Variants in PCDHA4 observed in about 807,000 individuals in gnomAD.
PCDHA4 encodes protocadherin alpha 4.
In PCDHA4, 49 loss-of-function variants were observed where a neutral mutation model predicts 61.4. The ratio of observed to expected loss-of-function variants is 0.80; its 90% CI spans 0.63 to 1.01. PCDHA4 has a LOEUF of 1.01. PCDHA4 is among the 50% of genes least tolerant of loss of function. The pLI is 0.00. For synonymous variants in PCDHA4, 590 were observed against 550.3 expected (o/e 1.07, Z -1.01); for missense variants, 1,254 against 1,235.8 (o/e 1.01, Z -0.22).
intron 3 of PCDHA4, among the ~76,000 whole-genome samples, chr5:140,985,476 T>C (rs1554247100): frequency 6.6e-6 from 1 of 152,162 alleles, no homozygotes; most frequent in Admixed American, 6.6e-5. Flanking sequence ...ATTTGGTTGT[T>C]TCCAGACTCA....
intron 1 of PCDHA4, chr5:140,859,934 A>G (rs2046100230): frequency 1.3e-5 from 2 of 152,070 alleles, no homozygotes; most frequent in Non-Finnish European, 2.9e-5. Flanking sequence ...TAAAAAACTT[A>G]GTAAAAACTC....
chr5:140,825,840 C>T (rs1347379452), intron 1 of PCDHA4: 1 of 152,306 alleles, frequency 6.6e-6, no homozygotes, highest in Non-Finnish European at 1.5e-5. Context: ...AATAAATATA[C>T]CATGATACAA....
rs1488505557 is a variant in PCDHA4 at position 140,967,448 on chromosome 5, A to G, written c.2386-11501A>G. The G allele has an allele frequency of 6.8e-6, 11 of 1,613,462 alleles. No individual in the cohort carries two copies. Among genetic ancestry groups the G allele is most frequent in the Non-Finnish European group, 9.3e-6 (11 of 1,179,888 alleles). On this transcript the variant is annotated intron_variant, in intron 1 of 3. Transcript: ENST00000530339. ...GGCAGCCTTGCACCACCTGGTTCTC[A>G]CAGCCGTGGATGGGGGCATCCCAGC...
Position 140,809,031 on chromosome 5 carries a change from C to T in PCDHA4, c.1844C>T (p.Thr615Ile). 6.2e-7 allele frequency: 1 copy of T among 1,613,858 alleles called. No homozygotes were observed. The change falls in exon 1 of 4, where the codon ACT becomes ATT. Residue 615 changes from threonine (T) to isoleucine (I), a missense_variant. Transcript: ENST00000530339. Reference sequence around the variant, plus strand: ...CTTTCGTACGAGCTGCAGCCGGGGACTGGTGGCGCGCGCATCCCGTTCCGC... The same window carrying T: ...CTTTCGTACGAGCTGCAGCCGGGGATTGGTGGCGCGCGCATCCCGTTCCGC... ...AWLSYELQPG[T>I]GGARIPFRVG...
chr5:141,005,142 T>C (rs1554259898), intron 3 of PCDHA4, among the ~76,000 whole-genome samples: 1 of 152,234 alleles, frequency 6.6e-6, no homozygotes, highest in African/African-American at 2.4e-5. Flanking sequence ...ATTGGAGAGT[T>C]GTTTGGTCTG....
In PCDHA4 at chr5:140,978,987, C is replaced by T; in HGVS notation, c.2424C>T (p.Ser808=). 4 of 1,614,162 alleles carry T rather than the reference C, an allele frequency of 2.5e-6. No homozygotes were observed. In the South Asian group the frequency reaches 3.3e-5, roughly 13 times the overall value. The change falls in exon 2 of 4, where the codon TCC becomes TCT. Residue 808 remains serine (S), a synonymous_variant. Transcript: ENST00000530339. ...QPNPDWRYSA[S]LRAGMHSSVH... ...ACCCTGACTGGCGTTACTCTGCCTC[C>T]CTGAGAGCAGGCATGCACAGGTATG...
chr5:140,870,857 G>C, intron 1 of PCDHA4: 1 of 1,613,916 alleles, frequency 6.2e-7, no homozygotes. Context: ...CGGTCGGTGG[G>C]TGCGGGCCAC....
chr5:140,910,411 A>C (rs1554194248), intron 1 of PCDHA4, among the ~76,000 whole-genome samples: 2 of 152,062 alleles, frequency 1.3e-5, no homozygotes, highest in African/African-American at 4.8e-5. Flanking sequence ...CCACCTCGAG[A>C]TCCAATTATT....
intron 1 of PCDHA4, among the ~76,000 whole-genome samples, chr5:140,975,536 A>G (rs957684886): frequency 2.0e-5 from 3 of 152,226 alleles, no homozygotes; most frequent in Admixed American, 1.3e-4. Flanking sequence ...TATTCTTAAT[A>G]CAGTCCTATT....
At chr5:140,914,788 T>G (rs2076845575) in intron 1 of PCDHA4, among the ~76,000 whole-genome samples, 1 of 152,192 alleles carries the variant, frequency 6.6e-6, no homozygotes, top group South Asian at 2.1e-4. Context: ...TTATGACCCA[T>G]TATTTTAAAC....
chr5:140,978,653 G>A (rs527551897), intron 1 of PCDHA4, among the ~76,000 whole-genome samples: 25 of 152,314 alleles, frequency 1.6e-4, no homozygotes, highest in African/African-American at 5.5e-4. Flanking sequence ...TGTTCTTCCC[G>A]TAGTGTTTTA....
At chr5:140,821,891 A>G in intron 1 of PCDHA4, 1 of 1,614,232 alleles carries the variant, frequency 6.2e-7, no homozygotes, top group Non-Finnish European at 8.5e-7. Flanking sequence ...GAGGAAGCCA[A>G]ACACGGAACC....
intron 1 of PCDHA4, among the ~76,000 whole-genome samples, chr5:140,960,717 T>TATTTTAGTCCATG (rs1244851083): frequency 3.3e-5 from 1 of 30,264 alleles, no homozygotes; most frequent in Non-Finnish European, 6.2e-5. Flanking sequence ...ATACTCATCT[T>TATTTTAGTCCATG]ATTTTAGTCC....
At chr5:140,857,595 T>C in intron 1 of PCDHA4, 2 of 1,595,942 alleles carry the variant, frequency 1.3e-6, no homozygotes, top group Non-Finnish European at 1.7e-6. Context: ...AGCGGCAAGG[T>C]GTACGCGCTG....
At chr5:140,875,250 C>A in intron 1 of PCDHA4, 1 of 1,016,106 alleles carries the variant, frequency 9.8e-7, no homozygotes, top group Non-Finnish European at 1.4e-6. Context: ...CATAATCAGT[C>A]ACATGATGTC....
intron 1 of PCDHA4, chr5:140,862,267 A>G (rs968907254): frequency 8.7e-6 from 2 of 230,002 alleles, no homozygotes; most frequent in African/African-American, 4.5e-5. Flanking sequence ...GCAGTAAGTC[A>G]CTATCATTCC....
intron 1 of PCDHA4, chr5:140,810,670 CTTTTTTCTCTTCT>C (rs1370991145): frequency 4.0e-5 from 4 of 98,992 alleles, no homozygotes; most frequent in African/African-American, 2.0e-4. Flanking sequence ...TTTTTCTTTT[CTTTTTTCTCTTCT>C]TTTTGCTTCC....
At chr5:140,920,329 G>A (rs556077448) in intron 1 of PCDHA4, among the ~76,000 whole-genome samples, 8 of 152,080 alleles carry the variant, frequency 5.3e-5, no homozygotes, top group South Asian at 4.2e-4. Flanking sequence ...TATATTTATG[G>A]CATTTCTTAT....
At chr5:140,911,250 A>G (rs1165718759) in intron 1 of PCDHA4, among the ~76,000 whole-genome samples, 1 of 152,166 alleles carries the variant, frequency 6.6e-6, no homozygotes. Context: ...AAGTTTCATC[A>G]GAATTTATAA....
Sources: gnomAD v4.1 joint callset for allele counts (sites outside exome capture counted in the v4.1 genomes callset) on GRCh38, gnomAD v4.1.1 for gene constraint, MANE v1.5 for transcripts, NCBI Gene and HGNC (gene_info 2026-07-23, HGNC 2026-07-21) for gene names.